Variants in TCERG1L observed in about 807,000 individuals in gnomAD.
The protein encoded by TCERG1L is transcription elongation regulator 1-like protein.
A neutral mutation model predicts 56.3 loss-of-function variants in TCERG1L; 37 were observed. The observed-to-expected ratio is 0.66, with a 90% CI of 0.51 to 0.87. The LOEUF (loss-of-function observed/expected upper bound fraction) is 0.87, where lower values mean the gene tolerates loss of function less well. Among genes scored for constraint, TCERG1L ranks in the 40% least tolerant of loss-of-function variants. The probability of loss-of-function intolerance (pLI) is 0.00; values close to 1 mark genes in which losing one functional copy is unlikely to be tolerated. For synonymous variants in TCERG1L, 324 were observed against 326.3 expected, an observed-to-expected ratio of 0.99 and a Z score of 0.08; for missense variants, 799 against 774.2, an observed-to-expected ratio of 1.03 and a Z score of -0.38.
At chr10:131,262,770 T>C (rs1227392702) in intron 3 of TCERG1L, among the ~76,000 whole-genome samples, 1 of 152,144 alleles carries the variant, frequency 6.6e-6, no homozygotes, top group African/African-American at 2.4e-5. Flanking sequence ...ACCACCACTG[T>C]GGTATCATAC....
At chr10:131,237,118 T>C (rs534671120) in intron 4 of TCERG1L, among the ~76,000 whole-genome samples, 26 of 152,062 alleles carry the variant, frequency 1.7e-4, no homozygotes, top group African/African-American at 6.0e-4. Flanking sequence ...CCTGTGAACA[T>C]GTCAGGCTCA....
intron 7 of TCERG1L, among the ~76,000 whole-genome samples, chr10:131,145,870 C>T (rs145111404): frequency 1.9e-4 from 29 of 152,342 alleles, no homozygotes; most frequent in Middle Eastern, 6.8e-3. Flanking sequence ...GCTTTCCCCA[C>T]GCAGCAGCTA....
chr10:131,306,607 A>G (rs1258265540), intron 3 of TCERG1L, among the ~76,000 whole-genome samples: 1 of 152,138 alleles, frequency 6.6e-6, no homozygotes, highest in African/African-American at 2.4e-5. Flanking sequence ...TGCCTGTGTC[A>G]AAACATCTCA....
intron 9 of TCERG1L, among the ~76,000 whole-genome samples, chr10:131,108,952 G>T (rs553359243): frequency 1.0e-3 from 158 of 152,290 alleles, no homozygotes; most frequent in Non-Finnish European, 1.6e-3. Flanking sequence ...GCCAGTGAGA[G>T]AATCTCCCCC....
chr10:131,273,955 T>G (rs1044505898), intron 3 of TCERG1L, among the ~76,000 whole-genome samples: 2 of 152,182 alleles, frequency 1.3e-5, no homozygotes, highest in Admixed American at 6.5e-5. Flanking sequence ...GAAAATAATT[T>G]GTCAGGGAAC....
At chr10:131,204,951 G>A (rs114076276) in intron 4 of TCERG1L, among the ~76,000 whole-genome samples, 1,913 of 152,170 alleles carry the variant, frequency 0.013, 40 homozygotes, top group African/African-American at 0.043. Context: ...CAGGGCTCAC[G>A]TGCTCTGCAG....
intron 4 of TCERG1L, among the ~76,000 whole-genome samples, chr10:131,226,440 G>A (rs886437977): frequency 6.6e-6 from 1 of 152,184 alleles, no homozygotes; most frequent in African/African-American, 2.4e-5. Flanking sequence ...GCTCTAGTCT[G>A]TCCCAGAAAC....
chr10:131,290,514 C>T (rs1846601500), intron 3 of TCERG1L, among the ~76,000 whole-genome samples: 1 of 151,324 alleles, frequency 6.6e-6, no homozygotes, highest in Non-Finnish European at 1.5e-5. Flanking sequence ...GCCTGTAATC[C>T]AAGATACTTG....
chr10:131,109,004 A>G (rs926932849), intron 9 of TCERG1L, among the ~76,000 whole-genome samples: 2 of 151,610 alleles, frequency 1.3e-5, no homozygotes, highest in African/African-American at 4.9e-5. Context: ...CAACATCGCC[A>G]CGGGTGTGAC....
intron 8 of TCERG1L, among the ~76,000 whole-genome samples, chr10:131,126,598 G>C (rs1426700320): frequency 6.6e-6 from 1 of 152,200 alleles, no homozygotes; most frequent in African/African-American, 2.4e-5. Flanking sequence ...AGACTCTGCT[G>C]GGGACCGTGT....
chr10:131,116,698 T>A, intron 9 of TCERG1L, 101 bp downstream of exon 9: 2 of 1,453,818 alleles, frequency 1.4e-6, no homozygotes, highest in East Asian at 4.9e-5. Context: ...AGCCTGATCA[T>A]GAACTCAGTG....
chr10:131,177,666 G>A (rs1201838806), intron 4 of TCERG1L, among the ~76,000 whole-genome samples: 1 of 152,132 alleles, frequency 6.6e-6, no homozygotes, highest in Admixed American at 6.5e-5. Context: ...TGTGTGCTGG[G>A]ACCCCCATCT....
At chr10:131,215,330 A>G (rs554335285) in intron 4 of TCERG1L, among the ~76,000 whole-genome samples, 1 of 152,356 alleles carries the variant, frequency 6.6e-6, no homozygotes, top group Admixed American at 6.5e-5. Flanking sequence ...AGAATTCTAA[A>G]TGGGGAACTA....
intron 4 of TCERG1L, among the ~76,000 whole-genome samples, chr10:131,184,397 T>C (rs1234558987): frequency 6.6e-6 from 1 of 152,226 alleles, no homozygotes; most frequent in Non-Finnish European, 1.5e-5. Context: ...AGGGAACAAC[T>C]ATCGCTGGAG....
rs79911274 is a variant in TCERG1L, at chr10:131,227,363, C to T, written c.856+32896G>A. ...AGAGTAGAGTCCCCTTGGGTGGACA[C>T]GCGGTGTGGGCAGAGCTGGACCAAG... is the stretch of plus-strand genomic sequence containing the variant. On this transcript the variant is annotated intron_variant, in intron 4 of 11. Transcript: ENST00000368642. Among the ~76,000 whole-genome samples the T allele has an allele frequency of 7.7e-4, 118 of 152,352 alleles. 2 individuals carry two copies. In the South Asian group the frequency reaches 0.023, roughly 30 times the overall value.
chr10:131,244,731 T>C (rs1846013418), intron 4 of TCERG1L, among the ~76,000 whole-genome samples: 1 of 152,184 alleles, frequency 6.6e-6, no homozygotes, highest in Non-Finnish European at 1.5e-5. Context: ...ATTGAAATCC[T>C]GGCCCAGGCT....
chr10:131,094,929 G>A (rs1204778518), intron 11 of TCERG1L, among the ~76,000 whole-genome samples: 2 of 152,246 alleles, frequency 1.3e-5, no homozygotes, highest in African/African-American at 4.8e-5. Flanking sequence ...CCTATTCTGG[G>A]CCTCTCTGAA....
intron 6 of TCERG1L, among the ~76,000 whole-genome samples, chr10:131,148,717 G>A (rs1845830485): frequency 7.7e-6 from 1 of 129,798 alleles, no homozygotes; most frequent in Non-Finnish European, 1.8e-5. Flanking sequence ...AGGGGCCTCT[G>A]GAAGATGGAA....
intron 6 of TCERG1L, among the ~76,000 whole-genome samples, chr10:131,152,712 T>C (rs1845878763): frequency 1.3e-5 from 2 of 152,228 alleles, no homozygotes; most frequent in African/African-American, 4.8e-5. Context: ...CATTCTCACA[T>C]AGCTATAAGG....
Sources: gnomAD v4.1 joint callset for allele counts (sites outside exome capture counted in the v4.1 genomes callset) on GRCh38, gnomAD v4.1.1 for gene constraint, MANE v1.5 for transcripts, NCBI Gene and HGNC (gene_info 2026-07-23, HGNC 2026-07-21) for gene names.